Variants in TECRL observed in about 807,000 individuals in gnomAD.
TECRL encodes trans-2,3-enoyl-CoA reductase-like.
In TECRL, 63 loss-of-function variants were observed where a neutral mutation model predicts 52.8. That is an observed-to-expected ratio of 1.19 (90% CI 0.97 to 1.47). The LOEUF (loss-of-function observed/expected upper bound fraction) is 1.47, where lower values mean the gene tolerates loss of function less well. Among genes scored for constraint, TECRL ranks in the 40% most tolerant of loss-of-function variants. The pLI, the probability that TECRL is intolerant of heterozygous loss-of-function variation, is 0.00. For synonymous variants in TECRL, 164 were observed against 141.9 expected, an observed-to-expected ratio of 1.16 and a Z score of -1.10; for missense variants, 482 against 429.6, an observed-to-expected ratio of 1.12 and a Z score of -1.08.
At chr4:64,297,684 T>C (rs958594707) in intron 8 of TECRL, among the ~76,000 whole-genome samples, 5 of 151,176 alleles carry the variant, frequency 3.3e-5, no homozygotes, top group African/African-American at 1.2e-4. Context: ...CTTTCAAACA[T>C]ACATACATAT....
chr4:64,299,064 A>G (rs889700328), intron 8 of TECRL: 1 of 151,252 alleles, frequency 6.6e-6, no homozygotes, highest in African/African-American at 2.4e-5. Context: ...CTATTCAAAC[A>G]AGTAATGAGT....
chr4:64,280,524 A>G (rs1311864297), intron 11 of TECRL, among the ~76,000 whole-genome samples: 2 of 152,140 alleles, frequency 1.3e-5, no homozygotes, highest in Non-Finnish European at 1.5e-5. Context: ...ATTCCTCTAC[A>G]TGCACATAAT....
At chr4:64,310,248 A>G (rs943548021) in intron 5 of TECRL, among the ~76,000 whole-genome samples, 1 of 152,230 alleles carries the variant, frequency 6.6e-6, no homozygotes, top group African/African-American at 2.4e-5. Context: ...AAATATGTTC[A>G]TATCGAAATA....
downstream of TECRL, among the ~76,000 whole-genome samples, chr4:64,277,336 A>C (rs1331887488): frequency 6.6e-6 from 1 of 151,874 alleles, no homozygotes; most frequent in Non-Finnish European, 1.5e-5. Flanking sequence ...TCTTTCAAAA[A>C]AGGGACATTT....
At chr4:64,360,751 G>A (rs1462841301) in intron 2 of TECRL, among the ~76,000 whole-genome samples, 1 of 152,116 alleles carries the variant, frequency 6.6e-6, no homozygotes, top group Non-Finnish European at 1.5e-5. Flanking sequence ...TGGCTCCTGG[G>A]GAAAGGGTGA....
At chr4:64,277,145 C>T (rs529869509), downstream of TECRL, 20 of 842,742 alleles carry the variant, frequency 2.4e-5, no homozygotes, top group Non-Finnish European at 3.4e-5. Flanking sequence ...AAGGGAATAA[C>T]TGATACAAAA....
At chr4:64,328,156 CAAAAAG>C (rs1718387901) in intron 3 of TECRL, among the ~76,000 whole-genome samples, 1 of 151,426 alleles carries the variant, frequency 6.6e-6, no homozygotes, top group South Asian at 2.1e-4. Context: ...TTTATAACAG[CAAAAAG>C]AAAAAGAAAA....
At chr4:64,303,315 T>C (rs1442598113) in intron 7 of TECRL, among the ~76,000 whole-genome samples, 1 of 151,574 alleles carries the variant, frequency 6.6e-6, no homozygotes, top group East Asian at 1.9e-4. Flanking sequence ...GTCAACAATG[T>C]GTGTTAGGTA....
chr4:64,380,177 T>C (rs1485145631), intron 1 of TECRL, among the ~76,000 whole-genome samples: 1 of 152,126 alleles, frequency 6.6e-6, no homozygotes, highest in Non-Finnish European at 1.5e-5. Context: ...TATATATCTG[T>C]TGGCCATTTG....
At chr4:64,341,369 G>T (rs113125066) in intron 2 of TECRL, among the ~76,000 whole-genome samples, 1 of 152,108 alleles carries the variant, frequency 6.6e-6, no homozygotes, top group African/African-American at 2.4e-5. Flanking sequence ...GGGAGGTTGG[G>T]GTGTGTGGAT....
chr4:64,396,556 A>C (rs184817315), intron 1 of TECRL, among the ~76,000 whole-genome samples: 46 of 151,986 alleles, frequency 3.0e-4, no homozygotes, highest in South Asian at 1.5e-3. Flanking sequence ...TGGATATTAG[A>C]CTTTGTCAGA....
At chr4:64,296,626 C>T (rs1217956022) in intron 8 of TECRL, among the ~76,000 whole-genome samples, 2 of 151,614 alleles carry the variant, frequency 1.3e-5, no homozygotes, top group Non-Finnish European at 3.0e-5. Context: ...AATTGGCAAA[C>T]TTTAATTGCT....
intron 8 of TECRL, among the ~76,000 whole-genome samples, chr4:64,292,923 T>C (rs1338617840): frequency 6.6e-6 from 1 of 152,084 alleles, no homozygotes; most frequent in Non-Finnish European, 1.5e-5. Flanking sequence ...AACTTTAGGA[T>C]GATGTTTGAT....
chr4:64,391,930 G>A (rs542935658), intron 1 of TECRL, among the ~76,000 whole-genome samples: 3 of 151,868 alleles, frequency 2.0e-5, no homozygotes, highest in East Asian at 3.9e-4. Context: ...ACAAAATCAA[G>A]AAAGCTGTCT....
chr4:64,368,064 G>A (rs1430833838), intron 2 of TECRL, among the ~76,000 whole-genome samples: 1 of 151,940 alleles, frequency 6.6e-6, no homozygotes, highest in African/African-American at 2.4e-5. Flanking sequence ...TGATATTGCT[G>A]CCCAATAATA....
chr4:64,302,284 A>G (rs1184782149), intron 7 of TECRL, among the ~76,000 whole-genome samples: 2 of 151,488 alleles, frequency 1.3e-5, no homozygotes, highest in African/African-American at 4.8e-5. Context: ...AACTTTATGC[A>G]GCCAAATTTG....
intron 8 of TECRL, among the ~76,000 whole-genome samples, chr4:64,293,440 T>A (rs529116150): frequency 3.0e-4 from 46 of 152,130 alleles, no homozygotes; most frequent in Non-Finnish European, 3.5e-4. Flanking sequence ...ACAATTTTTT[T>A]AAAAAAATAC....
chr4:64,280,411 T>A (rs1722762998), intron 11 of TECRL, among the ~76,000 whole-genome samples: 1 of 152,056 alleles, frequency 6.6e-6, no homozygotes, highest in Non-Finnish European at 1.5e-5. Context: ...AAATTAAAAA[T>A]GAATCTACAT....
At chr4:64,291,927 T>G (rs1336141898) in intron 8 of TECRL, among the ~76,000 whole-genome samples, 4 of 152,106 alleles carry the variant, frequency 2.6e-5, no homozygotes, top group African/African-American at 9.6e-5. Context: ...TATATCTCTA[T>G]GCTTAGAGAT....
Sources: allele counts gnomAD v4.1 joint callset (sites outside exome capture counted in the v4.1 genomes callset), GRCh38; gene constraint gnomAD v4.1.1; transcripts MANE v1.5; gene names NCBI Gene and HGNC (gene_info 2026-07-23, HGNC 2026-07-21).